The following MAPT variants were observed in gnomAD, a reference collection of about 807,000 sequenced individuals.
MAPT encodes the protein microtubule-associated protein tau.
MAPT carries 34 observed loss-of-function variants against 67.9 expected under a neutral mutation model. The observed-to-expected ratio is 0.50, with a 90% CI of 0.38 to 0.67. The LOEUF (loss-of-function observed/expected upper bound fraction) is 0.67, where lower values mean the gene tolerates loss of function less well. Ranked by LOEUF, MAPT falls within the 30% of genes least tolerant of loss-of-function variation. MAPT has a pLI of 0.00. For synonymous variants in MAPT, 456 were observed against 464.5 expected (o/e 0.98, Z 0.23); for missense variants, 881 against 1,115.2 (o/e 0.79, Z 2.99).
At chr17:45,907,469 G>A (rs2064402617) in intron 1 of MAPT, among the ~76,000 whole-genome samples, 1 of 152,170 alleles carries the variant, frequency 6.6e-6, no homozygotes, top group Non-Finnish European at 1.5e-5. Flanking sequence ...GTGAGGGCAA[G>A]GACTGTGTCT....
intron 1 of MAPT, among the ~76,000 whole-genome samples, chr17:45,958,891 C>G (rs995713018): frequency 1.3e-5 from 2 of 151,974 alleles, no homozygotes; most frequent in East Asian, 3.9e-4. Context: ...GGTGAAATCC[C>G]GTCTCTACAA....
At chr17:46,007,064 C>T (rs777661854) in intron 9 of MAPT, among the ~76,000 whole-genome samples, 7 of 151,594 alleles carry the variant, frequency 4.6e-5, no homozygotes, top group Non-Finnish European at 8.8e-5. Context: ...CCCCATTCAC[C>T]GTGATGTGAT....
At chr17:45,974,731 G>A (rs535416424) in intron 3 of MAPT, 61 of 511,166 alleles carry the variant, frequency 1.2e-4, no homozygotes, top group Non-Finnish European at 1.8e-4. Context: ...CTCAGTCAGC[G>A]CGTCAGTTCC....
At chr17:45,913,694 A>G (rs1475741623) in intron 1 of MAPT, among the ~76,000 whole-genome samples, 1 of 152,246 alleles carries the variant, frequency 6.6e-6, no homozygotes, top group Non-Finnish European at 1.5e-5. Flanking sequence ...CACTGTCTCC[A>G]TCATTTCATG....
intron 9 of MAPT, chr17:45,999,188 A>G (rs113160911): frequency 8.6e-6 from 13 of 1,506,706 alleles, no homozygotes; most frequent in Non-Finnish European, 1.1e-5. Flanking sequence ...CATCTCCTCC[A>G]GGAAGTCTTC....
chr17:45,965,429 TAAAAA>T lies in MAPT; in HGVS notation c.133+2964_133+2968del, dbSNP rs755282340. 2.7e-5 allele frequency among the ~76,000 whole-genome samples: 4 copies of T among 147,230 alleles called. No individual in the cohort carries two copies. In the East Asian group the frequency reaches 8.4e-4, roughly 31 times the overall value. ...TGGGTGACAGAGTGAGACTCCGTCC[TAAAAA>T]AAAAGGAGTTTTGCTCTGTCGCCCA... On this transcript the variant is annotated intron_variant, in intron 2 of 12. Transcript: ENST00000262410.
At chr17:46,003,366 C>T (rs983524403) in intron 9 of MAPT, among the ~76,000 whole-genome samples, 1 of 151,836 alleles carries the variant, frequency 6.6e-6, no homozygotes, top group Non-Finnish European at 1.5e-5. Flanking sequence ...GCAACCTCCG[C>T]CTCCCAGGTT....
chr17:45,983,216 C>A lies in MAPT; in HGVS notation c.637C>A (p.Arg213=). 1 of 1,607,530 alleles carries A rather than the reference C, an allele frequency of 6.2e-7. No individual in the cohort carries two copies. Among genetic ancestry groups the A allele is most frequent in the Non-Finnish European group, 8.5e-7 (1 of 1,177,314 alleles). Reference sequence around the variant, plus strand: ...TAAGGTGGTCCAGGAAGGCTTCCTCCGAGAGCCAGGCCCCCCAGGTCTGAG... The same window carrying A: ...TAAGGTGGTCCAGGAAGGCTTCCTCAGAGAGCCAGGCCCCCCAGGTCTGAG... ...SGKVVQEGFL[R]EPGPPGLSHQ... is the part of the protein sequence containing the mutation. The change falls in exon 5 of 13, where the codon CGA becomes AGA. Residue 213 remains arginine, a synonymous_variant. Transcript: ENST00000262410.
chr17:45,928,339 G>C (rs1280124162), intron 1 of MAPT, among the ~76,000 whole-genome samples: 1 of 152,042 alleles, frequency 6.6e-6, no homozygotes, highest in Admixed American at 6.6e-5. Context: ...GCTAACTTGT[G>C]CCCATCCTTC....
At position 45,915,429 on chromosome 17, in the gene MAPT, G is replaced by A. The variant is rs919491407; in HGVS notation, c.-18+20743G>A. ...GCATGTGTGTGGGCATGTGATGTGT[G>A]TGTGGTGTGTAAGCATGTGTGAGTG... On this transcript the variant is annotated intron_variant, in intron 1 of 12. Transcript: ENST00000262410. The surrounding 1 kb of genome is among the most constrained non-coding windows in gnomAD (Gnocchi z 4.4). Among the ~76,000 whole-genome samples the A allele has an allele frequency of 2.1e-5, 3 of 143,738 alleles. No homozygotes were observed. The highest frequency in any genetic ancestry group is 2.2e-4 in the South Asian group (1 of 4,634). The allele number at this position is 143,738 out of a possible 152,430, so 94.3% of individuals were successfully genotyped here.
chr17:45,985,042 G>A (rs911483426), intron 5 of MAPT, among the ~76,000 whole-genome samples: 21 of 152,228 alleles, frequency 1.4e-4, no homozygotes, highest in Non-Finnish European at 2.6e-4. Context: ...GATGGCTCAC[G>A]CCTGTAATCT....
intron 2 of MAPT, among the ~76,000 whole-genome samples, chr17:45,970,890 G>T (rs557451682): frequency 6.6e-6 from 1 of 152,382 alleles, no homozygotes; most frequent in East Asian, 1.9e-4. Context: ...CCTCAGGAGA[G>T]TGTGTGCTCC....
At chr17:46,006,142 G>C (rs1441653034) in intron 9 of MAPT, among the ~76,000 whole-genome samples, 1 of 152,234 alleles carries the variant, frequency 6.6e-6, no homozygotes, top group African/African-American at 2.4e-5. Context: ...GCGCTCCTGT[G>C]TTGATTGCAG....
At chr17:45,902,902 G>A (rs935843982) in intron 1 of MAPT, among the ~76,000 whole-genome samples, 3 of 152,156 alleles carry the variant, frequency 2.0e-5, no homozygotes, top group Non-Finnish European at 4.4e-5. Flanking sequence ...TCAAAGAGAA[G>A]AGGGACATAA....
chr17:46,000,118 C>T (rs565219675), intron 9 of MAPT, among the ~76,000 whole-genome samples: 8 of 152,228 alleles, frequency 5.3e-5, no homozygotes, highest in Admixed American at 1.3e-4. Context: ...GCAAAGCTGG[C>T]GGAGTCTGAA....
At chr17:45,974,614 G>A in intron 3 of MAPT, 1 of 687,720 alleles carries the variant, frequency 1.5e-6, no homozygotes, top group South Asian at 1.7e-5. Flanking sequence ...TGGGAATCTT[G>A]GGTTGTGAGT....
chr17:45,925,182 G>A (rs201024582), intron 1 of MAPT, among the ~76,000 whole-genome samples: 7 of 152,290 alleles, frequency 4.6e-5, no homozygotes, highest in East Asian at 3.9e-4. Context: ...GTTTATTCAC[G>A]TAGCAAACCA....
chr17:45,928,185 G>A (rs1484618365), intron 1 of MAPT, among the ~76,000 whole-genome samples: 3 of 152,094 alleles, frequency 2.0e-5, no homozygotes, highest in Non-Finnish European at 4.4e-5. Context: ...AAATTCTTGT[G>A]GCTTCACACA....
chr17:46,004,577 T>C (rs150307801), intron 9 of MAPT, among the ~76,000 whole-genome samples: 2 of 152,228 alleles, frequency 1.3e-5, no homozygotes, highest in Non-Finnish European at 2.9e-5. Context: ...TCTGATTTCA[T>C]AATGACAACC....
Sources: gnomAD v4.1 joint callset for allele counts (sites outside exome capture counted in the v4.1 genomes callset) on GRCh38, gnomAD v4.1.1 for gene constraint, Gnocchi (gnomAD v3.1) non-coding constraint, MANE v1.5 for transcripts, NCBI Gene and HGNC (gene_info 2026-07-23, HGNC 2026-07-21) for gene names.